KDM2A: variants seen among roughly 807,000 people sequenced by gnomAD.
The protein encoded by KDM2A is lysine demethylase 2A.
KDM2A carries 3 observed loss-of-function variants against 137.3 expected under a neutral mutation model. The observed-to-expected ratio is 0.02, with a 90% confidence interval of 0.01 to 0.06. The LOEUF is 0.06. KDM2A is among the 10% of genes least tolerant of loss of function. The pLI is 1.00. For missense variants in KDM2A, 738 were observed against 1,510.6 expected, an observed-to-expected ratio of 0.49 and a Z score of 8.48; for synonymous variants, 512 against 541.5, an observed-to-expected ratio of 0.95 and a Z score of 0.76.
intron 5 of KDM2A, among the ~76,000 whole-genome samples, chr11:67,206,740 A>G (rs1451388873): frequency 6.6e-6 from 1 of 152,256 alleles, no homozygotes; most frequent in African/African-American, 2.4e-5. Context: ...CCGTCTCTAA[A>G]AAATAAATAA....
At chr11:67,249,569 T>G (rs141329683) in intron 16 of KDM2A, among the ~76,000 whole-genome samples, 1 of 152,168 alleles carries the variant, frequency 6.6e-6, no homozygotes, top group African/African-American at 2.4e-5. Flanking sequence ...GGGGCTCTTG[T>G]GGGATTCCTC....
intron 1 of KDM2A, among the ~76,000 whole-genome samples, chr11:67,120,638 A>T (rs1017691636): frequency 2.0e-5 from 3 of 152,168 alleles, no homozygotes. Flanking sequence ...AGAGTTGTGC[A>T]CATCTTGTGT....
chr11:67,167,787 C>G (rs1229943779), intron 2 of KDM2A, among the ~76,000 whole-genome samples: 1 of 152,084 alleles, frequency 6.6e-6, no homozygotes, highest in Admixed American at 6.6e-5. Flanking sequence ...AGAATTTGAT[C>G]TTTTCCAGAA....
intron 10 of KDM2A, among the ~76,000 whole-genome samples, chr11:67,226,717 G>A (rs752300929): frequency 1.8e-4 from 27 of 152,112 alleles, no homozygotes; most frequent in Non-Finnish European, 2.9e-4. Flanking sequence ...GCAAGACTCC[G>A]TCTCAAAAAA....
At chr11:67,140,121 G>A (rs1856064571) in intron 2 of KDM2A, among the ~76,000 whole-genome samples, 1 of 152,062 alleles carries the variant, frequency 6.6e-6, no homozygotes, top group Non-Finnish European at 1.5e-5. Context: ...AACACTTTGG[G>A]AGGCTAAGGC....
chr11:67,207,455 A>G (rs1427254696), intron 5 of KDM2A, 55 bp from the exon 6 acceptor site: 4 of 1,307,162 alleles, frequency 3.1e-6, no homozygotes, highest in African/African-American at 3.0e-5. Context: ...TATTCTTACT[A>G]TATTTAAGGA....
chr11:67,188,795 A>T (rs1857273091), intron 5 of KDM2A, among the ~76,000 whole-genome samples: 1 of 151,844 alleles, frequency 6.6e-6, no homozygotes. Flanking sequence ...TGTCTCAAAA[A>T]AAAAAAAAAA....
intron 18 of KDM2A, 60 bp downstream of exon 18, chr11:67,252,917 T>C (rs1177717684): frequency 3.3e-6 from 5 of 1,533,906 alleles, no homozygotes; most frequent in Non-Finnish European, 4.4e-6. Context: ...GCAAGAAAAG[T>C]TGCATTATTG....
intron 5 of KDM2A, among the ~76,000 whole-genome samples, chr11:67,188,250 A>T (rs1173611288): frequency 6.6e-6 from 1 of 151,988 alleles, no homozygotes; most frequent in Admixed American, 6.6e-5. Flanking sequence ...TGGGAGGCCG[A>T]GGCAGGCAGA....
intron 3 of KDM2A, 67 bp downstream of exon 3, chr11:67,180,284 G>T: frequency 6.6e-7 from 1 of 1,505,904 alleles, no homozygotes; most frequent in Non-Finnish European, 9.0e-7. Flanking sequence ...TGAGCATTGG[G>T]GGTTTAGCCT....
chr11:67,128,856 T>C (rs1452882403), intron 2 of KDM2A, among the ~76,000 whole-genome samples: 1 of 152,222 alleles, frequency 6.6e-6, no homozygotes, highest in African/African-American at 2.4e-5. Flanking sequence ...TTTGTTGATA[T>C]TGTTGAAAGC....
intron 18 of KDM2A, 76 bp downstream of exon 18, chr11:67,252,933 GCTT>G: frequency 2.0e-6 from 3 of 1,474,646 alleles, no homozygotes; most frequent in Non-Finnish European, 2.8e-6. Flanking sequence ...TATTGGCAGT[GCTT>G]CTTAGCATCA....
intron 2 of KDM2A, among the ~76,000 whole-genome samples, chr11:67,139,654 C>T (rs1186845405): frequency 6.6e-6 from 1 of 152,060 alleles, no homozygotes; most frequent in Non-Finnish European, 1.5e-5. Context: ...ACTAGTATTA[C>T]AGGCATGAGC....
At chr11:67,182,530 C>CT (rs11297347) in intron 5 of KDM2A, among the ~76,000 whole-genome samples, 97 of 88,186 alleles carry the variant, frequency 1.1e-3, no homozygotes, top group Middle Eastern at 5.6e-3. Context: ...TTGAATAAGT[C>CT]TTTTTTTTTT....
chr11:67,159,491 A>G (rs1447103489), intron 2 of KDM2A, among the ~76,000 whole-genome samples: 1 of 152,226 alleles, frequency 6.6e-6, no homozygotes, highest in East Asian at 1.9e-4. Context: ...AATGTTTCCC[A>G]GATGATTGAG....
At chr11:67,192,200 C>CT (rs1857372069) in intron 5 of KDM2A, among the ~76,000 whole-genome samples, 1 of 151,908 alleles carries the variant, frequency 6.6e-6, no homozygotes, top group Non-Finnish European at 1.5e-5. Flanking sequence ...CTTTTCCTTC[C>CT]TCCTCTCTCC....
chr11:67,153,190 G>C (rs979828605), intron 2 of KDM2A, among the ~76,000 whole-genome samples: 5 of 152,064 alleles, frequency 3.3e-5, no homozygotes, highest in African/African-American at 1.2e-4. Flanking sequence ...TCACTATGTT[G>C]GTCAGGCTGG....
intron 5 of KDM2A, among the ~76,000 whole-genome samples, chr11:67,184,663 C>G (rs1268348972): frequency 6.6e-6 from 1 of 152,076 alleles, no homozygotes; most frequent in Non-Finnish European, 1.5e-5. Context: ...TGCCCACACC[C>G]ACCCCCATTT....
intron 2 of KDM2A, among the ~76,000 whole-genome samples, chr11:67,126,630 C>G (rs1477147929): frequency 6.6e-6 from 1 of 151,026 alleles, no homozygotes; most frequent in Non-Finnish European, 1.5e-5. Flanking sequence ...ATTGCTTGAA[C>G]TCGGGAGGTG....
Sources: gnomAD v4.1 joint callset for allele counts (sites outside exome capture counted in the v4.1 genomes callset) on GRCh38, gnomAD v4.1.1 for gene constraint, MANE v1.5 for transcripts, NCBI Gene and HGNC (gene_info 2026-07-23, HGNC 2026-07-21) for gene names.